LRCH1: variants seen among roughly 807,000 people sequenced by gnomAD.
LRCH1 encodes leucine-rich repeat and calponin homology domain-containing protein 1.
LRCH1 carries 23 observed loss-of-function variants against 94.9 expected under a neutral mutation model. That is an observed-to-expected ratio of 0.24 (90% CI 0.17 to 0.34). The LOEUF is 0.34. Among genes scored for constraint, LRCH1 ranks in the 10% least tolerant of loss-of-function variants. The pLI, the probability that LRCH1 is intolerant of heterozygous loss-of-function variation, is 1.00. For synonymous variants in LRCH1, 364 were observed against 354.9 expected, an observed-to-expected ratio of 1.03 and a Z score of -0.29; for missense variants, 790 against 945.9, an observed-to-expected ratio of 0.84 and a Z score of 2.16.
chr13:46,665,831 C>T lies in LRCH1; in HGVS notation c.453-3199C>T, dbSNP rs146032027. On this transcript the variant is annotated intron_variant, in intron 2 of 19. Coordinates refer to ENST00000389797, the MANE Select transcript of LRCH1 (RefSeq NM_001164211.2). ...AGTGGATTGTGGCCTGAGGCACTTA[C>T]TTGCTTGAGAAAAATTGCTGCCAGA... Among the ~76,000 whole-genome samples the T allele has an allele frequency of 6.6e-5, 10 of 152,308 alleles. No individual in the cohort carries two copies. In the East Asian group the frequency reaches 1.9e-3, roughly 29 times the overall value.
chr13:46,715,662 A>G lies in LRCH1; in HGVS notation c.1757A>G (p.Asn586Ser), dbSNP rs1205255309. 3 of 1,528,178 alleles carry G rather than the reference A, an allele frequency of 2.0e-6. No homozygotes were observed. The highest frequency in any genetic ancestry group is 2.0e-5 in the Admixed American group (1 of 50,984). The allele number at this position is 1,528,178 out of a possible 1,614,324, so 94.7% of individuals were successfully genotyped here. Residue 586 changes from asparagine (N) to serine (S), a missense_variant and splice_region_variant, in exon 16 of 20, where the codon AAT (asparagine) becomes AGT (serine). By Grantham distance (46) the Asn-to-Ser change is conservative. Coordinates refer to ENST00000389797, the MANE Select transcript of LRCH1 (RefSeq NM_001164211.2). ...GTTCCATCTGAAGGAGACAGTGACA[A>G]TGGTAGGTGGCTTTGTACCTATTCT... is the stretch of plus-strand genomic sequence containing the variant. ...YSVPSEGDSD[N>S]VFLRPQRNLE...
At chr13:46,625,055 G>A (rs2138032183) in intron 1 of LRCH1, among the ~76,000 whole-genome samples, 1 of 152,324 alleles carries the variant, frequency 6.6e-6, no homozygotes, top group Non-Finnish European at 1.5e-5. Flanking sequence ...TAGGCTGAGT[G>A]TTAACCATAC....
intron 2 of LRCH1, among the ~76,000 whole-genome samples, chr13:46,652,396 T>G (rs996053908): frequency 3.5e-4 from 4 of 11,340 alleles, no homozygotes; most frequent in African/African-American, 6.5e-4. Flanking sequence ...GTTTTTTTTG[T>G]TTTTTTTTTT....
At position 46,705,167 on chromosome 13, in the gene LRCH1, C is replaced by T; in HGVS notation, c.1490+10C>T. On this transcript the variant is annotated intron_variant, in intron 12 of 19. Coordinates refer to ENST00000389797, the MANE Select transcript of LRCH1 (RefSeq NM_001164211.2). ...AAGATTCTGCACTGAAGTATGCTTG[C>T]CTTTTATAACAAATTATGTTTTCTC... 6.3e-7 allele frequency: 1 copy of T among 1,599,762 alleles called. No individual in the cohort carries two copies. Among genetic ancestry groups the T allele is most frequent in the Non-Finnish European group, 8.5e-7 (1 of 1,172,030 alleles).
intron 1 of LRCH1, among the ~76,000 whole-genome samples, chr13:46,618,445 A>G (rs555627118): frequency 1.3e-5 from 2 of 152,328 alleles, no homozygotes; most frequent in African/African-American, 4.8e-5. Flanking sequence ...ATAAAAGTAT[A>G]GCTACTTTAA....
intron 1 of LRCH1, among the ~76,000 whole-genome samples, chr13:46,586,662 G>T (rs913037742): frequency 1.3e-5 from 2 of 152,144 alleles, no homozygotes; most frequent in South Asian, 2.1e-4. Flanking sequence ...AAAGCAATCC[G>T]CTGGCCTCAG....
intron 1 of LRCH1, among the ~76,000 whole-genome samples, chr13:46,637,884 A>G (rs1012052556): frequency 1.3e-5 from 2 of 152,250 alleles, no homozygotes; most frequent in African/African-American, 4.8e-5. Flanking sequence ...TTTCTGGCGC[A>G]TAGTAGGTAC....
At chr13:46,582,547 C>T (rs1424579587) in intron 1 of LRCH1, among the ~76,000 whole-genome samples, 1 of 147,182 alleles carries the variant, frequency 6.8e-6, no homozygotes, top group Non-Finnish European at 1.5e-5. Flanking sequence ...TGCAGTGACA[C>T]AATCTTAGCT....
chr13:46,737,339 A>T (rs977382932), intron 19 of LRCH1, among the ~76,000 whole-genome samples: 1 of 152,116 alleles, frequency 6.6e-6, no homozygotes, highest in African/African-American at 2.4e-5. Context: ...GGCTCAAGAC[A>T]CCCTCCTGCC....
chr13:46,712,419 A>C, intron 14 of LRCH1, 106 bp from the exon 15 acceptor site: 1 of 856,486 alleles, frequency 1.2e-6, no homozygotes, highest in East Asian at 2.5e-5. Context: ...CAGCGAATGC[A>C]AAAAGGGAGT....
At chr13:46,712,395 ACTT>A in intron 14 of LRCH1, 127 bp from the exon 15 acceptor site, 1 of 683,076 alleles carries the variant, frequency 1.5e-6, no homozygotes, top group Non-Finnish European at 2.5e-6. Flanking sequence ...TTTGGCCAGG[ACTT>A]CATCACACAG....
intron 3 of LRCH1, among the ~76,000 whole-genome samples, chr13:46,675,652 T>TA (rs1490576900): frequency 1.3e-5 from 2 of 152,172 alleles, no homozygotes; most frequent in African/African-American, 4.8e-5. Flanking sequence ...TTTGCTTGGG[T>TA]AGCGTTCCAA....
chr13:46,661,557 G>A (rs1337301870), intron 2 of LRCH1, among the ~76,000 whole-genome samples: 1 of 152,078 alleles, frequency 6.6e-6, no homozygotes, highest in Non-Finnish European at 1.5e-5. Context: ...TAAAATTTTT[G>A]GCAAAACTTT....
At chr13:46,575,338 C>A (rs1379309786) in intron 1 of LRCH1, among the ~76,000 whole-genome samples, 1 of 152,112 alleles carries the variant, frequency 6.6e-6, no homozygotes, top group Non-Finnish European at 1.5e-5. Context: ...AGTCACAGAA[C>A]CACAAGATGC....
intron 3 of LRCH1, among the ~76,000 whole-genome samples, chr13:46,677,416 C>G (rs150401898): frequency 5.9e-5 from 9 of 152,048 alleles, no homozygotes; most frequent in African/African-American, 2.2e-4. Flanking sequence ...GGCGACAGAG[C>G]GAGACAATGT....
chr13:46,570,925 G>A (rs2050234323), intron 1 of LRCH1, among the ~76,000 whole-genome samples: 3 of 152,198 alleles, frequency 2.0e-5, no homozygotes, highest in Admixed American at 2.0e-4. Flanking sequence ...TTGCTGTGTG[G>A]TTAGCTGTCT....
chr13:46,742,554 T>C lies in LRCH1; in HGVS notation c.*706T>C, dbSNP rs573211469. The C allele has an allele frequency of 1.0e-6, 1 of 985,548 alleles. No homozygotes were observed. The highest frequency in any genetic ancestry group is 4.7e-5 in the South Asian group (1 of 21,296). The allele number at this position is 985,548 out of a possible 1,614,324, so 61.1% of individuals were successfully genotyped here. On this transcript the variant is annotated 3_prime_UTR_variant, in exon 20 of 20. Coordinates refer to ENST00000389797, the MANE Select transcript of LRCH1 (RefSeq NM_001164211.2). ...GCTCAAGGGAAGGAAGTGTCGTTGC[T>C]GTTAGAGCCTCACGTGGAGGAGTCA...
At chr13:46,589,593 CTT>C (rs762747151) in intron 1 of LRCH1, among the ~76,000 whole-genome samples, 32 of 77,704 alleles carry the variant, frequency 4.1e-4, no homozygotes, top group Non-Finnish European at 5.2e-4. Flanking sequence ...AGTTCTCTCA[CTT>C]TTTTTTTTTT....
At chr13:46,649,636 T>C (rs1039395353) in intron 1 of LRCH1, among the ~76,000 whole-genome samples, 1 of 152,074 alleles carries the variant, frequency 6.6e-6, no homozygotes, top group African/African-American at 2.4e-5. Flanking sequence ...TTGTCTGTTA[T>C]GGGTTCATTT....
Sources: allele counts gnomAD v4.1 joint callset (sites outside exome capture counted in the v4.1 genomes callset), GRCh38; gene constraint gnomAD v4.1.1; transcripts MANE v1.5; gene names NCBI Gene and HGNC (gene_info 2026-07-23, HGNC 2026-07-21).